Variants in TTC17 observed in about 807,000 individuals in gnomAD.
TTC17 encodes tetratricopeptide repeat domain 17.
A neutral mutation model predicts 143.8 loss-of-function variants in TTC17; 58 were observed. That is an observed-to-expected ratio of 0.40 (90% CI 0.33 to 0.50). The LOEUF (loss-of-function observed/expected upper bound fraction) is 0.50. Among genes scored for constraint, TTC17 ranks in the 20% least tolerant of loss-of-function variants. The probability of loss-of-function intolerance (pLI) is 0.49; values close to 1 mark genes in which losing one functional copy is unlikely to be tolerated. For missense variants in TTC17, 1,273 were observed against 1,392.5 expected (o/e 0.91, Z 1.37); for synonymous variants, 501 against 497.8 (o/e 1.01, Z -0.09).
At chr11:43,424,161 C>T (rs1364752182) in intron 16 of TTC17, among the ~76,000 whole-genome samples, 8 of 150,932 alleles carry the variant, frequency 5.3e-5, no homozygotes, top group Admixed American at 4.6e-4. Context: ...GGCTCTGTCT[C>T]GGCTCACTGC....
At chr11:43,366,813 A>G (rs1856364199) in intron 1 of TTC17, among the ~76,000 whole-genome samples, 2 of 152,166 alleles carry the variant, frequency 1.3e-5, no homozygotes, top group Admixed American at 1.3e-4. Flanking sequence ...CTAGAGTAAC[A>G]CACACAGCCA....
rs1947628240 is a variant in TTC17, at chr11:43,450,104, G to A, written c.2809G>A (p.Ala937Thr). ...NIDITEHIDF[A>T]TPIQQPAMEP... ...CAGCATCACAGAACACATAGATTTT[G>A]CCACCCCTATACAGCAGCCAGCAAT... The change falls in exon 20 of 24, where the codon GCC becomes ACC. Residue 937 changes from alanine to threonine, a missense_variant. Transcript: ENST00000039989. 6.2e-7 allele frequency: 1 copy of A among 1,613,762 alleles called. No individual in the cohort carries two copies. Among genetic ancestry groups the A allele is most frequent in the African/African-American group, 1.3e-5 (1 of 74,876 alleles).
At chr11:43,380,715 A>G (rs542857037) in intron 2 of TTC17, among the ~76,000 whole-genome samples, 4 of 152,338 alleles carry the variant, frequency 2.6e-5, no homozygotes, top group Admixed American at 2.0e-4. Flanking sequence ...TAAGAGAGAG[A>G]AGACTTTAGC....
At chr11:43,359,669 T>A (rs1327255745) in intron 1 of TTC17, among the ~76,000 whole-genome samples, 3 of 152,200 alleles carry the variant, frequency 2.0e-5, no homozygotes, top group African/African-American at 7.2e-5. Context: ...CAGCAGTGGC[T>A]CATTAGAAAC....
chr11:43,389,866 T>C, intron 3 of TTC17, 45 bp downstream of exon 3: 2 of 1,500,932 alleles, frequency 1.3e-6, no homozygotes, highest in East Asian at 4.6e-5. Flanking sequence ...GTTTCAAACA[T>C]TTCCTTTCTC....
rs778139920 is a variant in TTC17, at chr11:43,407,207, A to G, written c.1831A>G (p.Ile611Val). Residue 611 changes from isoleucine (I) to valine (V), a missense_variant, in exon 14 of 24, where the codon ATT becomes GTT. Coordinates refer to ENST00000039989, the MANE Select transcript of TTC17 (RefSeq NM_018259.6). Reference sequence around the variant, plus strand: ...AATTGGGTCTTTCTTATTTCATGCTATTAATAAGGTGAGTCATTTACTTTA... The same window carrying G: ...AATTGGGTCTTTCTTATTTCATGCTGTTAATAAGGTGAGTCATTTACTTTA... ...EEIGSFLFHA[I>V]NKPNAPIWLI... 3.8e-5 allele frequency: 61 copies of G among 1,595,208 alleles called. No homozygotes were observed. Among genetic ancestry groups the G allele is most frequent in the Admixed American group, 8.9e-5 (5 of 56,094 alleles).
intron 21 of TTC17, among the ~76,000 whole-genome samples, chr11:43,475,945 A>G (rs576692716): frequency 6.6e-6 from 1 of 152,332 alleles, no homozygotes; most frequent in East Asian, 1.9e-4. Context: ...TGTGAGAATG[A>G]TGGCGTTAAC....
chr11:43,473,515 CAGA>C (rs1228647711), intron 21 of TTC17, among the ~76,000 whole-genome samples: 1 of 152,128 alleles, frequency 6.6e-6, no homozygotes, highest in Non-Finnish European at 1.5e-5. Context: ...GGCAAAAATT[CAGA>C]AGTTTTATAA....
chr11:43,482,907 C>A (rs1225683161), intron 21 of TTC17, among the ~76,000 whole-genome samples: 1 of 151,806 alleles, frequency 6.6e-6, no homozygotes, highest in Non-Finnish European at 1.5e-5. Flanking sequence ...AGAAGATGAA[C>A]AATCCAAAAG....
intron 15 of TTC17, among the ~76,000 whole-genome samples, chr11:43,412,633 G>A (rs1056495676): frequency 6.6e-6 from 1 of 152,110 alleles, no homozygotes; most frequent in Non-Finnish European, 1.5e-5. Context: ...AACTTTTTGA[G>A]CACCAACCTG....
rs199607026 is a variant in TTC17 at position 43,444,039 on chromosome 11, A to G, written c.2512-17A>G. The G allele has an allele frequency of 1.1e-3, 1,686 of 1,591,618 alleles. No homozygotes were observed. The highest frequency in any genetic ancestry group is 1.4e-3 in the Non-Finnish European group (1,593 of 1,172,544). Reference sequence around the variant, plus strand: ...ATCACTGGTCTCATTTGTCCCTAACATGTTTCTGTTTCCCAGATTACATTC... The same window carrying G: ...ATCACTGGTCTCATTTGTCCCTAACGTGTTTCTGTTTCCCAGATTACATTC... On this transcript the variant is annotated splice_polypyrimidine_tract_variant and intron_variant, in intron 17 of 23. Coordinates refer to ENST00000039989, the MANE Select transcript of TTC17 (RefSeq NM_018259.6).
intron 21 of TTC17, among the ~76,000 whole-genome samples, chr11:43,458,845 A>G (rs182277403): frequency 1.3e-5 from 2 of 152,292 alleles, no homozygotes; most frequent in Admixed American, 1.3e-4. Context: ...CACAACTTCT[A>G]TTACAGTGTA....
chr11:43,486,403 TC>T, intron 21 of TTC17: 1 of 453,400 alleles, frequency 2.2e-6, no homozygotes, highest in Non-Finnish European at 4.4e-6. Context: ...CTGGATGCTA[TC>T]CATGGTTTCA....
intron 22 of TTC17, 35 bp from the exon 23 acceptor site, chr11:43,491,985 A>G (rs766896463): frequency 1.2e-6 from 2 of 1,608,294 alleles, no homozygotes; most frequent in East Asian, 2.2e-5. Context: ...TCAAAACCCA[A>G]TTTTCCCTTC....
chr11:43,424,597 C>T (rs1946982815), intron 16 of TTC17, among the ~76,000 whole-genome samples: 1 of 151,762 alleles, frequency 6.6e-6, no homozygotes, highest in African/African-American at 2.4e-5. Flanking sequence ...TGGCGAAACC[C>T]CATCTTTACT....
In TTC17 at chr11:43,412,821, T is replaced by C. The variant is rs367885927; in HGVS notation, c.2065-1769T>C. Among the ~76,000 whole-genome samples, 9 of 152,328 alleles carry C rather than the reference T, an allele frequency of 5.9e-5. No individual in the cohort carries two copies. The South Asian group carries it at 1.4e-3, about 25-fold the overall frequency. ...AACTTGTAAAGGGAGATATACATCA[T>C]GTTCACACATTGAGAGAGTCAATAT... is the stretch of plus-strand genomic sequence containing the variant. On this transcript the variant is annotated intron_variant, in intron 15 of 23. Transcript: ENST00000039989.
Position 43,444,206 on chromosome 11 carries a change from C to A in TTC17, c.2662C>A (p.Gln888Lys), listed in dbSNP as rs748216044. The change falls in exon 18 of 24, where the codon CAA (glutamine) becomes AAA (lysine). Residue 888 changes from glutamine to lysine, a missense_variant. Coordinates refer to ENST00000039989, the MANE Select transcript of TTC17 (RefSeq NM_018259.6). ...TGPKVASPGP[Q>K]GKKRDYQRLG... ...CCCCAAGGTGGCATCTCCTGGGCCACAAGGTAAATTTGAATGTTTAATATG... is the reference window on the plus strand; with the variant it reads ...CCCCAAGGTGGCATCTCCTGGGCCAAAAGGTAAATTTGAATGTTTAATATG... 1 of 1,597,440 alleles carries A rather than the reference C, an allele frequency of 6.3e-7. No homozygotes were observed. Among genetic ancestry groups the A allele is most frequent in the Non-Finnish European group, 8.5e-7 (1 of 1,175,196 alleles).
intron 1 of TTC17, chr11:43,370,363 G>A: frequency 5.2e-6 from 1 of 192,346 alleles, no homozygotes; most frequent in African/African-American, 2.3e-5. Flanking sequence ...TTGTGATAAG[G>A]GTAAAAATCT....
intron 21 of TTC17, among the ~76,000 whole-genome samples, chr11:43,488,477 A>AAT (rs1948416922): frequency 6.7e-6 from 1 of 150,330 alleles, no homozygotes; most frequent in Non-Finnish European, 1.5e-5. Context: ...TATATAGTAT[A>AAT]ATATATATAT....
Sources: gnomAD v4.1 joint callset for allele counts (sites outside exome capture counted in the v4.1 genomes callset) on GRCh38, gnomAD v4.1.1 for gene constraint, MANE v1.5 for transcripts, NCBI Gene and HGNC (gene_info 2026-07-23, HGNC 2026-07-21) for gene names.